Variants in COL1A2 observed in about 807,000 individuals in gnomAD.
COL1A2 encodes the protein collagen type I alpha 2 chain, also known as collagen alpha-2(I) chain.
A neutral mutation model predicts 174.3 loss-of-function variants in COL1A2; 49 were observed. The observed-to-expected ratio is 0.28, with a 90% CI of 0.22 to 0.36. COL1A2 has a LOEUF of 0.36. Ranked by LOEUF, COL1A2 falls within the 10% of genes least tolerant of loss-of-function variation. COL1A2 has a pLI of 1.00. For synonymous variants in COL1A2, 655 were observed against 606.6 expected (o/e 1.08, Z -1.17); for missense variants, 1,438 against 1,822.7 (o/e 0.79, Z 3.84).
At chr7:94,400,090 C>G (rs1245266455) in intron 4 of COL1A2, 106 bp from the exon 5 acceptor site, 1 of 992,300 alleles carries the variant, frequency 1.0e-6, no homozygotes, top group South Asian at 1.3e-5. Flanking sequence ...TAAATTTCCA[C>G]CCTACTTGCA....
chr7:94,398,605 G>C (rs1420665469), intron 3 of COL1A2, among the ~76,000 whole-genome samples: 1 of 151,790 alleles, frequency 6.6e-6, no homozygotes, highest in Admixed American at 6.6e-5. Context: ...TTACATTTAT[G>C]TGATACAAAC....
At position 94,394,979 on chromosome 7, in the gene COL1A2, C is replaced by T; in HGVS notation, c.-53C>T. The T allele has an allele frequency of 1.3e-6, 2 of 1,547,304 alleles. No individual in the cohort carries two copies. Among genetic ancestry groups the T allele is most frequent in the Non-Finnish European group, 1.8e-6 (2 of 1,120,938 alleles). On this transcript the variant is annotated 5_prime_UTR_variant, in exon 1 of 52. Coordinates refer to ENST00000297268, the MANE Select transcript of COL1A2 (RefSeq NM_000089.4). ...CGCGCCCGCCAGGTGATACCTCCGC[C>T]GGTGACCCAGGGGCTCTGCGACACA...
chr7:94,410,973 G>T (rs755741231), intron 22 of COL1A2, 31 bp downstream of exon 22: 3 of 1,613,142 alleles, frequency 1.9e-6, no homozygotes, highest in Non-Finnish European at 2.5e-6. Context: ...TTCCTAGAAA[G>T]GGGCTTGCTG....
intron 23 of COL1A2, 33 bp downstream of exon 23, chr7:94,411,187 C>A: frequency 6.9e-7 from 1 of 1,443,094 alleles, no homozygotes; most frequent in African/African-American, 1.4e-5. Flanking sequence ...GCAAATCACA[C>A]CTGGCATTAC....
rs193922169 is a variant in COL1A2, at chr7:94,427,794, G to T, written c.3435G>T (p.Gln1145His). ...VDATLKSLNNQIETLLTPEGS... is the reference protein window; with the variant it reads ...VDATLKSLNNHIETLLTPEGS... Reference sequence around the variant, plus strand: ...CTACTCTGAAGTCTCTCAACAACCAGATTGAGACCCTTCTTACTCCTGAAG... The same window carrying T: ...CTACTCTGAAGTCTCTCAACAACCATATTGAGACCCTTCTTACTCCTGAAG... Residue 1145 changes from glutamine (Q) to histidine (H), a missense_variant, in exon 49 of 52, where the codon CAG (glutamine) becomes CAT (histidine). Around this residue, in one of 3 missense-constraint regions of COL1A2, gnomAD observed 290 missense variants for 298.1 expected, o/e 0.97. Transcript: ENST00000297268. 1.9e-6 allele frequency: 3 copies of T among 1,614,100 alleles called. No individual in the cohort carries two copies. The highest frequency in any genetic ancestry group is 1.1e-5 in the South Asian group (1 of 91,080).
intron 6 of COL1A2, among the ~76,000 whole-genome samples, chr7:94,403,401 T>G (rs1791729831): frequency 6.6e-6 from 1 of 152,180 alleles, no homozygotes; most frequent in Non-Finnish European, 1.5e-5. Flanking sequence ...CACAGGGTTC[T>G]TCTCTGAATT....
intron 15 of COL1A2, 54 bp from the exon 16 acceptor site, chr7:94,408,716 G>A: frequency 6.3e-7 from 1 of 1,584,540 alleles, no homozygotes; most frequent in Non-Finnish European, 8.7e-7. Flanking sequence ...CATTGTTATT[G>A]TTTTCTTAAT....
rs1562899168 is a variant in COL1A2, at chr7:94,405,269, T to G, written c.486+17T>G. 6.2e-7 allele frequency: 1 copy of G among 1,612,898 alleles called. No homozygotes were observed. Among genetic ancestry groups the G allele is most frequent in the Admixed American group, 1.7e-5 (1 of 59,962 alleles). ...GGACCACAGGTGAGACTTTTTACATTGGTAGATAGCACAAACATCATAGGC... is the reference window on the plus strand; with the variant it reads ...GGACCACAGGTGAGACTTTTTACATGGGTAGATAGCACAAACATCATAGGC... On this transcript the variant is annotated intron_variant, in intron 10 of 51. Coordinates refer to ENST00000297268, the MANE Select transcript of COL1A2 (RefSeq NM_000089.4).
At chr7:94,422,482 T>A (rs897785860) in intron 39 of COL1A2, 1 of 162,934 alleles carries the variant, frequency 6.1e-6, no homozygotes, top group African/African-American at 2.4e-5. Flanking sequence ...AACAGAAAAA[T>A]CTTCATTCCC....
chr7:94,408,367 C>T lies in COL1A2; in HGVS notation c.725C>T (p.Pro242Leu), dbSNP rs1451966540. Residue 242 changes from proline (P) to leucine (L), a missense_variant, in exon 15 of 52, where the codon CCC becomes CTC. Physicochemically the swap from Pro to Leu is moderately conservative, Grantham distance 98 (BLOSUM62 -3). Transcript: ENST00000297268. ...GARGSDGSVG[P>L]VGPAGPIGSA... ...CGTGGCAGTGATGGAAGTGTGGGTC[C>T]CGTGGGTCCTGCTGTAAGTTTTGAC... 1 of 1,613,716 alleles carries T rather than the reference C, an allele frequency of 6.2e-7. No homozygotes were observed. Among genetic ancestry groups the T allele is most frequent in the Non-Finnish European group, 8.5e-7 (1 of 1,179,958 alleles).
intron 29 of COL1A2, among the ~76,000 whole-genome samples, chr7:94,414,744 G>T (rs187676169): frequency 2.3e-3 from 352 of 152,254 alleles, no homozygotes; most frequent in Non-Finnish European, 4.0e-3. Flanking sequence ...CCCCTATTTA[G>T]TTACATTCTG....
intron 23 of COL1A2, 21 bp from the exon 24 acceptor site, chr7:94,412,047 A>C: frequency 1.2e-6 from 2 of 1,603,060 alleles, no homozygotes; most frequent in Non-Finnish European, 8.5e-7. Context: ...CAATATAAAA[A>C]CATCCTCATT....
intron 13 of COL1A2, 124 bp downstream of exon 13, chr7:94,408,015 C>T (rs949823426): frequency 7.7e-6 from 9 of 1,165,202 alleles, no homozygotes; most frequent in African/African-American, 1.5e-5. Flanking sequence ...TTTCTAATAG[C>T]CTTCTGATAC....
intron 20 of COL1A2, 33 bp from the exon 21 acceptor site, chr7:94,410,387 A>T (rs1373481573): frequency 6.4e-7 from 1 of 1,561,818 alleles, no homozygotes; most frequent in Non-Finnish European, 8.7e-7. Context: ...TTATTTTTTT[A>T]CTCCCTCTTC....
In COL1A2 at chr7:94,423,034, A is replaced by C. The variant is rs142310831; in HGVS notation, c.2481A>C (p.Pro827=). 63 of 1,613,978 alleles carry C rather than the reference A, an allele frequency of 3.9e-5. No individual in the cohort carries two copies. Among genetic ancestry groups the C allele is most frequent in the Non-Finnish European group, 5.1e-5 (60 of 1,180,004 alleles). Reference sequence around the variant, plus strand: ...GTGGTCCTCGTGGTGACCAAGGTCCAGTTGGCCGAACTGGAGAAGTAGGTG... The same window carrying C: ...GTGGTCCTCGTGGTGACCAAGGTCCCGTTGGCCGAACTGGAGAAGTAGGTG... ...GLRGPRGDQG[P]VGRTGEVGAV... Residue 827 remains proline, a synonymous_variant, in exon 40 of 52, where the codon CCA becomes CCC. Coordinates refer to ENST00000297268, the MANE Select transcript of COL1A2 (RefSeq NM_000089.4).
chr7:94,429,057 C>T, intron 50 of COL1A2, 131 bp from the exon 51 acceptor site: 1 of 750,844 alleles, frequency 1.3e-6, no homozygotes, highest in Non-Finnish European at 2.1e-6. Context: ...TTAAAAGTAC[C>T]CTTTTCCTAA....
Position 94,409,408 on chromosome 7 carries a change from C to G in COL1A2, c.879C>G (p.Pro293=), listed in dbSNP as rs780283556. 1.2e-5 allele frequency: 20 copies of G among 1,614,100 alleles called. No homozygotes were observed. The highest frequency in any genetic ancestry group is 1.7e-5 in the Non-Finnish European group (20 of 1,179,992). The change falls in exon 17 of 52, where the codon CCC becomes CCG. Residue 293 remains proline, a synonymous_variant. Coordinates refer to ENST00000297268, the MANE Select transcript of COL1A2 (RefSeq NM_000089.4). ...TGGGTCTTCCAGGCCTCTCCGGCCCCGTTGGACCTCCTGTAAGTAGCCACT... is the reference window on the plus strand; with the variant it reads ...TGGGTCTTCCAGGCCTCTCCGGCCCGGTTGGACCTCCTGTAAGTAGCCACT... ...GEVGLPGLSG[P]VGPPGNPGAN...
chr7:94,406,429 G>A lies in COL1A2; in HGVS notation c.594+126G>A, dbSNP rs886245085. 17 of 836,548 alleles carry A rather than the reference G, an allele frequency of 2.0e-5. No homozygotes were observed. In the East Asian group the frequency reaches 2.4e-4, roughly 12 times the overall value. The allele number at this position is 836,548 out of a possible 1,614,324, so 51.8% of individuals were successfully genotyped here. ...AGTATTTTTATTTTTTTTCTTTCCT[G>A]TACTTCAAATCCCTCAAGGATGGGG... On this transcript the variant is annotated intron_variant, in intron 12 of 51. Transcript: ENST00000297268.
At chr7:94,397,438 T>C (rs1791605662) in intron 1 of COL1A2, among the ~76,000 whole-genome samples, 1 of 152,136 alleles carries the variant, frequency 6.6e-6, no homozygotes, top group African/African-American at 2.4e-5. Flanking sequence ...ACCAGCTTAA[T>C]TGCTAAGCAT....
Sources: gnomAD v4.1 joint callset for allele counts (sites outside exome capture counted in the v4.1 genomes callset) on GRCh38, gnomAD v4.1.1 for gene constraint, gnomAD v4.1.1 regional missense constraint, MANE v1.5 for transcripts, NCBI Gene and HGNC (gene_info 2026-07-23, HGNC 2026-07-21) for gene names.